FCRL5: variants seen among roughly 807,000 people sequenced by gnomAD.
FCRL5 encodes Fc receptor-like protein 5.
In FCRL5, 79 loss-of-function variants were observed where a neutral mutation model predicts 92.1. The ratio of observed to expected loss-of-function variants is 0.86; its 90% CI spans 0.72 to 1.03. The LOEUF is 1.03. Among genes scored for constraint, FCRL5 ranks in the 50% least tolerant of loss-of-function variants. The pLI is 0.00. For missense variants in FCRL5, 1,160 were observed against 1,181.1 expected (o/e 0.98, Z 0.26); for synonymous variants, 466 against 469.3 (o/e 0.99, Z 0.09).
At chr1:157,517,808 T>C (rs931120562) in intron 15 of FCRL5, among the ~76,000 whole-genome samples, 32 of 152,246 alleles carry the variant, frequency 2.1e-4, no homozygotes, top group African/African-American at 7.7e-4. Flanking sequence ...ATATTTGTGT[T>C]GCTCTCCAAA....
chr1:157,536,809 T>C (rs1650988928), intron 7 of FCRL5, among the ~76,000 whole-genome samples: 1 of 152,246 alleles, frequency 6.6e-6, no homozygotes. Context: ...ACTGAAGCCA[T>C]GGCAGAAGAA....
intron 7 of FCRL5, among the ~76,000 whole-genome samples, chr1:157,536,937 C>G (rs1650996048): frequency 6.6e-6 from 1 of 152,228 alleles, no homozygotes; most frequent in Non-Finnish European, 1.5e-5. Flanking sequence ...TTCATGGACA[C>G]TTATCACTTC....
Position 157,534,344 on chromosome 1 carries a change from C to T in FCRL5, c.1681+270G>A, listed in dbSNP as rs192426813. 5.8e-4 allele frequency: 412 copies of T among 710,498 alleles called. 1 individual carries two copies. The highest frequency in any genetic ancestry group is 1.7e-3 in the Admixed American group (84 of 49,958). 44.0% of individuals were successfully genotyped at this position (710,498 alleles called of 1,614,324 possible). On this transcript the variant is annotated intron_variant, in intron 8 of 16. Coordinates refer to ENST00000361835, the MANE Select transcript of FCRL5 (RefSeq NM_031281.3). Reference sequence around the variant, plus strand: ...CGCTCCGTGCATCAAGAAAAATTGGCGTACTGTTGGAACATACAAGGAATG... The same window carrying T: ...CGCTCCGTGCATCAAGAAAAATTGGTGTACTGTTGGAACATACAAGGAATG...
At chr1:157,549,450 A>T in intron 2 of FCRL5, 110 bp downstream of exon 2, 2 of 1,011,128 alleles carry the variant, frequency 2.0e-6, no homozygotes, top group Admixed American at 2.6e-5. Flanking sequence ...AAAAGGAAAG[A>T]AAACAGGAGA....
chr1:157,515,713 C>T lies in FCRL5; in HGVS notation c.2896G>A (p.Gly966Arg), dbSNP rs377397519. 67 of 1,613,846 alleles carry T rather than the reference C, an allele frequency of 4.2e-5. 1 individual carries two copies. The highest frequency in any genetic ancestry group is 1.9e-4 in the African/African-American group (14 of 74,896). The change falls in exon 17 of 17, where the codon GGA becomes AGA. Residue 966 changes from glycine (G) to arginine (R), a missense_variant. Coordinates refer to ENST00000361835, the MANE Select transcript of FCRL5 (RefSeq NM_031281.3). ...EVKVASTPVS[G>R]SLFLASSAPH... is the part of the protein sequence containing the mutation. The stretch of plus-strand genomic sequence containing the variant: ...GCTGAGGAAGCCAAGAACAGGGATC[C>T]GGAAACCGGGGTTGACGCCACCTTA...
At chr1:157,528,060 A>G (rs1650519356) in intron 8 of FCRL5, 165 bp from the exon 9 acceptor site, 2 of 756,722 alleles carry the variant, frequency 2.6e-6, no homozygotes, top group African/African-American at 3.5e-5. Flanking sequence ...TTGTATACCT[A>G]GGAAACCCTA....
intron 7 of FCRL5, among the ~76,000 whole-genome samples, chr1:157,537,401 C>A (rs1651016592): frequency 6.6e-6 from 1 of 152,146 alleles, no homozygotes; most frequent in African/African-American, 2.4e-5. Context: ...GAGGAAATTC[C>A]TGCCTAATAA....
At position 157,527,743 on chromosome 1, in the gene FCRL5, C is replaced by A; in HGVS notation, c.1834G>T (p.Ala612Ser). 1 of 1,614,192 alleles carries A rather than the reference C, an allele frequency of 6.2e-7. No homozygotes were observed. Among genetic ancestry groups the A allele is most frequent in the Non-Finnish European group, 8.5e-7 (1 of 1,180,022 alleles). The stretch of plus-strand genomic sequence containing the variant: ...AAAGAAGCTTCTCCTCCAGAGGGGG[C>A]TGAGCTGCTCCCCAGGGTGACATCC... ...HEDVTLGSSS[A>S]PSGGEASFNL... Residue 612 changes from alanine to serine, a missense_variant, in exon 9 of 17, where the codon GCC becomes TCC. By Grantham distance (99) the Ala-to-Ser change is moderately conservative. Coordinates refer to ENST00000361835, the MANE Select transcript of FCRL5 (RefSeq NM_031281.3).
intron 15 of FCRL5, among the ~76,000 whole-genome samples, chr1:157,516,388 C>T (rs955829096): frequency 3.3e-5 from 5 of 152,182 alleles, no homozygotes; most frequent in Admixed American, 3.3e-4. Context: ...TATGAGTTTA[C>T]ACATATGTGT....
chr1:157,534,500 A>T (rs1650847709), intron 8 of FCRL5, 114 bp downstream of exon 8: 1 of 1,284,570 alleles, frequency 7.8e-7, no homozygotes, highest in Non-Finnish European at 1.1e-6. Context: ...GGAAGCCAAG[A>T]AGGGGATTAA....
At chr1:157,531,854 AGTT>A (rs1650709968) in intron 8 of FCRL5, 2 of 152,142 alleles carry the variant, frequency 1.3e-5, no homozygotes, top group Admixed American at 1.3e-4. Context: ...GATAGGGAGA[AGTT>A]GGTCAATGGG....
At chr1:157,549,730 A>G in intron 1 of FCRL5, 150 bp from the exon 2 acceptor site, 1 of 557,556 alleles carries the variant, frequency 1.8e-6, no homozygotes, top group South Asian at 2.7e-5. Flanking sequence ...ATGTATATAT[A>G]TACACATAAA....
At position 157,544,966 on chromosome 1, in the gene FCRL5, G is replaced by A. The variant is rs766341435; in HGVS notation, c.424C>T (p.Leu142=). Residue 142 remains leucine (L), a synonymous_variant, in exon 4 of 17, where the codon CTG becomes TTG. Transcript: ENST00000361835. ...TCAGTTCTTTTATTAAGGAATGCCAGGACATTATCATTCTTGTAAATAGTA... is the reference window on the plus strand; with the variant it reads ...TCAGTTCTTTTATTAAGGAATGCCAAGACATTATCATTCTTGTAAATAGTA... ...NNTIYKNDNV[L]AFLNKRTDFH... is the part of the protein sequence containing the mutation. 1 of 1,614,196 alleles carries A rather than the reference G, an allele frequency of 6.2e-7. No homozygotes were observed. The highest frequency in any genetic ancestry group is 8.5e-7 in the Non-Finnish European group (1 of 1,180,028).
chr1:157,528,519 C>CA (rs1373085649), intron 8 of FCRL5: 1 of 152,038 alleles, frequency 6.6e-6, no homozygotes, highest in African/African-American at 2.4e-5. Flanking sequence ...CAAGACTAAG[C>CA]AAAAAGAACA....
In FCRL5 at chr1:157,544,923, G is replaced by A; in HGVS notation, c.467C>T (p.Ala156Val). Residue 156 changes from alanine (A) to valine (V), a missense_variant, in exon 4 of 17, where the codon GCA becomes GTA. Transcript: ENST00000361835. ...NKRTDFHIPH[A>V]CLKDNGAYRC... is the part of the protein sequence containing the mutation. ...ATATGCACCATTGTCCTTGAGACAT[G>A]CATGAGGAATATGGAAGTCAGTTCT... The A allele has an allele frequency of 6.2e-7, 1 of 1,614,102 alleles. No homozygotes were observed. The highest frequency in any genetic ancestry group is 8.5e-7 in the Non-Finnish European group (1 of 1,179,920).
At chr1:157,531,567 C>A (rs1200400788) in intron 8 of FCRL5, among the ~76,000 whole-genome samples, 1 of 152,118 alleles carries the variant, frequency 6.6e-6, no homozygotes, top group African/African-American at 2.4e-5. Flanking sequence ...TAGAAGCAAT[C>A]TAAGTGTCCC....
Position 157,552,375 on chromosome 1 carries a change from C to G in FCRL5, c.-13G>C. On this transcript the variant is annotated 5_prime_UTR_variant, in exon 1 of 17. Transcript: ENST00000361835. Reference sequence around the variant, plus strand: ...CCCACAGCAGCATGAAGACCTGGACCACCAAGGGCTGAGATCAAAAGAGAA... The same window carrying G: ...CCCACAGCAGCATGAAGACCTGGACGACCAAGGGCTGAGATCAAAAGAGAA... The G allele has an allele frequency of 1.2e-6, 2 of 1,614,012 alleles. No homozygotes were observed. The highest frequency in any genetic ancestry group is 1.7e-6 in the Non-Finnish European group (2 of 1,179,948).
chr1:157,546,399 G>C, intron 3 of FCRL5: 1 of 345,734 alleles, frequency 2.9e-6, no homozygotes, highest in Non-Finnish European at 5.7e-6. Context: ...AGTGAGCCGA[G>C]ATAACGCCAC....
chr1:157,544,407 C>T lies in FCRL5; in HGVS notation c.699G>A (p.Gln233=), dbSNP rs1651422385. 1 of 1,614,230 alleles carries T rather than the reference C, an allele frequency of 6.2e-7. No homozygotes were observed. Among genetic ancestry groups the T allele is most frequent in the African/African-American group, 1.3e-5 (1 of 75,060 alleles). The part of the protein sequence containing the change: ...PLRFRFFRDD[Q]TLGLGWSLSP... Reference sequence around the variant, plus strand: ...AGAGACTCCAGCCTAATCCCAGGGTCTGGTCATCTCTGAAGAAGCGGAACC... The same window carrying T: ...AGAGACTCCAGCCTAATCCCAGGGTTTGGTCATCTCTGAAGAAGCGGAACC... Residue 233 remains glutamine (Q), a synonymous_variant, in exon 5 of 17, where the codon CAG becomes CAA. Coordinates refer to ENST00000361835, the MANE Select transcript of FCRL5 (RefSeq NM_031281.3).
Sources: gnomAD v4.1 joint callset for allele counts (sites outside exome capture counted in the v4.1 genomes callset) on GRCh38, gnomAD v4.1.1 for gene constraint, MANE v1.5 for transcripts, NCBI Gene and HGNC (gene_info 2026-07-23, HGNC 2026-07-21) for gene names.